The following DYNC2H1 variants were observed in gnomAD, a reference collection of about 807,000 sequenced individuals.
DYNC2H1 encodes dynein cytoplasmic 2 heavy chain 1.
DYNC2H1 carries 410 observed loss-of-function variants against 570.0 expected under a neutral mutation model. The observed-to-expected ratio is 0.72, with a 90% CI of 0.66 to 0.78. The LOEUF is 0.78. Ranked by LOEUF, DYNC2H1 falls within the 30% of genes least tolerant of loss-of-function variation. The pLI is 0.00. For synonymous variants in DYNC2H1, 1,688 were observed against 1,677.6 expected, an observed-to-expected ratio of 1.01 and a Z score of -0.15; for missense variants, 4,865 against 5,046.4, an observed-to-expected ratio of 0.96 and a Z score of 1.09.
At chr11:103,442,328 T>C (rs1176667353) in intron 85 of DYNC2H1, among the ~76,000 whole-genome samples, 1 of 152,074 alleles carries the variant, frequency 6.6e-6, no homozygotes, top group Non-Finnish European at 1.5e-5. Flanking sequence ...TAGAATTACA[T>C]CAAAATCTTG....
intron 84 of DYNC2H1, chr11:103,402,036 G>A (rs1286022834): frequency 6.6e-6 from 1 of 151,978 alleles, no homozygotes; most frequent in East Asian, 1.9e-4. Context: ...TAATGAAGGA[G>A]GTTTCAAAAT....
chr11:103,253,532 G>T (rs1369407911), intron 66 of DYNC2H1, 84 bp downstream of exon 66: 4 of 1,282,606 alleles, frequency 3.1e-6, no homozygotes, highest in Non-Finnish European at 4.3e-6. Flanking sequence ...AAGCTATTTT[G>T]TTAGACTAAT....
Position 103,468,647 on chromosome 11 carries a change from A to T in DYNC2H1, c.12707A>T (p.Gln4236Leu). Reference protein sequence around the residue: ...SFDGNQLSENQLDSPSVSSVL... With the variant: ...SFDGNQLSENLLDSPSVSSVL... Reference sequence around the variant, plus strand: ...GATGGAAATCAACTTTCTGAAAATCAGCTTGATTCTCCCAGCGTGTCATCA... The same window carrying T: ...GATGGAAATCAACTTTCTGAAAATCTGCTTGATTCTCCCAGCGTGTCATCA... The change falls in exon 88 of 89, where the codon CAG (glutamine) becomes CTG (leucine). Residue 4236 changes from glutamine (Q) to leucine (L), a missense_variant. Transcript: ENST00000375735. 1 of 1,613,810 alleles carries T rather than the reference A, an allele frequency of 6.2e-7. No individual in the cohort carries two copies. The highest frequency in any genetic ancestry group is 8.5e-7 in the Non-Finnish European group (1 of 1,179,762).
chr11:103,153,543 T>C (rs2134880335), intron 22 of DYNC2H1, 35 bp downstream of exon 22: 1 of 1,492,832 alleles, frequency 6.7e-7, no homozygotes, highest in East Asian at 2.4e-5. Context: ...AGTGCTTATT[T>C]TGAAAAAACA....
At chr11:103,301,088 A>T (rs2135391212) in intron 75 of DYNC2H1, among the ~76,000 whole-genome samples, 1 of 152,048 alleles carries the variant, frequency 6.6e-6, no homozygotes, top group East Asian at 1.9e-4. Context: ...TTTTATGCAC[A>T]TAGAAGTGTA....
chr11:103,326,043 A>G lies in DYNC2H1; in HGVS notation c.12039+2053A>G, dbSNP rs1454182077. ...CTTTCAGAGGGCCAAGGCTCTGTAC[A>G]GTGTCTTTATTTGTGGGTGAATTCT... is the stretch of plus-strand genomic sequence containing the variant. On this transcript the variant is annotated intron_variant, in intron 82 of 88. Coordinates refer to ENST00000375735, the MANE Select transcript of DYNC2H1 (RefSeq NM_001377.3). This position sits in a 1 kb window ranked among gnomAD's most constrained non-coding sequence, Gnocchi z 6.1. Among the ~76,000 whole-genome samples, 3 of 152,052 alleles carry G rather than the reference A, an allele frequency of 2.0e-5. No homozygotes were observed. Among genetic ancestry groups the G allele is most frequent in the Admixed American group, 2.0e-4 (3 of 15,256 alleles).
At chr11:103,355,011 G>A (rs1940269667) in intron 82 of DYNC2H1, among the ~76,000 whole-genome samples, 1 of 151,752 alleles carries the variant, frequency 6.6e-6, no homozygotes, top group South Asian at 2.1e-4. Flanking sequence ...ACTCTGAATA[G>A]GCATATATTA....
At chr11:103,206,301 A>G (rs1474091524) in intron 52 of DYNC2H1, among the ~76,000 whole-genome samples, 43 of 152,186 alleles carry the variant, frequency 2.8e-4, no homozygotes, top group Admixed American at 2.8e-3. Flanking sequence ...AGAACATATT[A>G]AGATGAGACT....
intron 83 of DYNC2H1, among the ~76,000 whole-genome samples, chr11:103,383,451 G>A (rs1216527052): frequency 6.7e-6 from 1 of 149,346 alleles, no homozygotes; most frequent in Admixed American, 6.8e-5. Context: ...TGGTTAGTTT[G>A]GTAATTCTTT....
At chr11:103,143,834 A>C (rs1259527683) in intron 18 of DYNC2H1, among the ~76,000 whole-genome samples, 4 of 152,148 alleles carry the variant, frequency 2.6e-5, no homozygotes, top group African/African-American at 9.7e-5. Flanking sequence ...AATGTGGACA[A>C]AAGCCTCTGA....
intron 2 of DYNC2H1, 32 bp from the exon 3 acceptor site, chr11:103,114,071 A>G: frequency 6.3e-7 from 1 of 1,598,710 alleles, no homozygotes. Context: ...AATTTTGATC[A>G]ATCTTGGTTG....
At chr11:103,220,554 A>AT in intron 56 of DYNC2H1, 69 bp from the exon 57 acceptor site, 1 of 1,432,574 alleles carries the variant, frequency 7.0e-7, no homozygotes, top group South Asian at 1.5e-5. Context: ...ATAAAACATA[A>AT]TTTTTCAAGA....
chr11:103,386,520 T>C (rs879302159), intron 83 of DYNC2H1, among the ~76,000 whole-genome samples: 6 of 152,136 alleles, frequency 3.9e-5, no homozygotes, highest in Non-Finnish European at 7.4e-5. Flanking sequence ...ATTATTATAC[T>C]TTAAGTTTTA....
intron 70 of DYNC2H1, among the ~76,000 whole-genome samples, chr11:103,266,552 T>TGGTGGTG (rs1340109772): frequency 6.6e-6 from 1 of 152,008 alleles, no homozygotes; most frequent in East Asian, 1.9e-4. Flanking sequence ...CTTTTTGCGA[T>TGGTGGTG]GGTGGTGGGT....
intron 83 of DYNC2H1, among the ~76,000 whole-genome samples, chr11:103,386,121 T>A (rs962095377): frequency 6.6e-6 from 1 of 152,234 alleles, no homozygotes; most frequent in Non-Finnish European, 1.5e-5. Context: ...TTTGTTGCAT[T>A]TAAGAATATG....
Position 103,189,894 on chromosome 11 carries a change from T to A in DYNC2H1, c.7437+78T>A. 1 of 1,399,076 alleles carries A rather than the reference T, an allele frequency of 7.1e-7. No individual in the cohort carries two copies. The highest frequency in any genetic ancestry group is 9.6e-7 in the Non-Finnish European group (1 of 1,044,138). 86.7% of individuals were successfully genotyped at this position (1,399,076 alleles called of 1,614,324 possible). On this transcript the variant is annotated intron_variant, in intron 45 of 88. Transcript: ENST00000375735. The surrounding 1 kb of genome is among the most constrained non-coding windows in gnomAD (Gnocchi z 4.3). ...GGTCTACTTTTAATTCTGACCTCTG[T>A]GTTGACACCCAGGCTTTACTTTCCT...
Position 103,163,238 on chromosome 11 carries a change from G to A in DYNC2H1, c.4611+91G>A, listed in dbSNP as rs907155668. ...CAGGAGGCTCAGATAAATCGCATCT[G>A]TTTTCTCCCTTTATCTAACAGTTAA... On this transcript the variant is annotated intron_variant, in intron 30 of 88. Coordinates refer to ENST00000375735, the MANE Select transcript of DYNC2H1 (RefSeq NM_001377.3). This position sits in a 1 kb window ranked among gnomAD's most constrained non-coding sequence, Gnocchi z 4.6. 6 of 1,403,852 alleles carry A rather than the reference G, an allele frequency of 4.3e-6. No homozygotes were observed. In the Admixed American group the frequency reaches 9.4e-5, roughly 22 times the overall value. The allele number at this position is 1,403,852 out of a possible 1,614,324, so 87.0% of individuals were successfully genotyped here.
Position 103,199,993 on chromosome 11 carries a change from A to G in DYNC2H1, c.8089-53A>G. On this transcript the variant is annotated intron_variant, in intron 49 of 88. Coordinates refer to ENST00000375735, the MANE Select transcript of DYNC2H1 (RefSeq NM_001377.3). This position sits in a 1 kb window ranked among gnomAD's most constrained non-coding sequence, Gnocchi z 4.6. The stretch of plus-strand genomic sequence containing the variant: ...ATACAAATACAAAATGTTAATTTTT[A>G]ACTGTACCAAAAATACTTAAAGGGC... 1.7e-6 allele frequency: 2 copies of G among 1,184,482 alleles called. No individual in the cohort carries two copies. The highest frequency in any genetic ancestry group is 2.4e-6 in the Non-Finnish European group (2 of 818,840). The allele number at this position is 1,184,482 out of a possible 1,614,324, so 73.4% of individuals were successfully genotyped here.
intron 13 of DYNC2H1, among the ~76,000 whole-genome samples, chr11:103,130,417 A>G (rs1458837284): frequency 1.3e-5 from 2 of 152,156 alleles, no homozygotes; most frequent in African/African-American, 4.8e-5. Flanking sequence ...ACTAGTTCTC[A>G]AGCTTGATAA....
Sources: allele counts gnomAD v4.1 joint callset (sites outside exome capture counted in the v4.1 genomes callset), GRCh38; gene constraint gnomAD v4.1.1; non-coding constraint Gnocchi (gnomAD v3.1); transcripts MANE v1.5; gene names NCBI Gene and HGNC (gene_info 2026-07-23, HGNC 2026-07-21).